The following CNTNAP2 variants were observed in gnomAD, a reference collection of about 807,000 sequenced individuals.
CNTNAP2 encodes the protein contactin associated protein 2.
A neutral mutation model predicts 155.2 loss-of-function variants in CNTNAP2; 98 were observed. The observed-to-expected ratio is 0.63, with a 90% CI of 0.54 to 0.75. CNTNAP2 has a LOEUF of 0.75. Ranked by LOEUF, CNTNAP2 falls within the 30% of genes least tolerant of loss-of-function variation. CNTNAP2 has a pLI of 0.00. For synonymous variants in CNTNAP2, 651 were observed against 631.2 expected (o/e 1.03, Z -0.47); for missense variants, 1,727 against 1,688.1 (o/e 1.02, Z -0.40).
At chr7:147,784,431 G>A (rs6945876) in intron 13 of CNTNAP2, among the ~76,000 whole-genome samples, 2,931 of 84,412 alleles carry the variant, frequency 0.035, 237 homozygotes, top group African/African-American at 0.1. Context: ...ACATATAAAA[G>A]CATAAAAATA....
chr7:147,854,250 T>C (rs986486746), intron 13 of CNTNAP2, among the ~76,000 whole-genome samples: 6 of 152,278 alleles, frequency 3.9e-5, no homozygotes, highest in African/African-American at 1.4e-4. Context: ...TATAAGCTCA[T>C]GTGCAATGAA....
At chr7:146,220,532 G>C (rs1286192205) in intron 1 of CNTNAP2, among the ~76,000 whole-genome samples, 2 of 152,016 alleles carry the variant, frequency 1.3e-5, no homozygotes, top group Non-Finnish European at 2.9e-5. Context: ...AGTATAGAAA[G>C]CACCTGGTAT....
chr7:146,591,049 T>A (rs180820185), intron 1 of CNTNAP2, among the ~76,000 whole-genome samples: 1 of 152,216 alleles, frequency 6.6e-6, no homozygotes, highest in African/African-American at 2.4e-5. Context: ...GAGAAAACAG[T>A]CCACAGGTGT....
At chr7:147,800,552 C>T (rs867598295) in intron 13 of CNTNAP2, among the ~76,000 whole-genome samples, 2 of 151,966 alleles carry the variant, frequency 1.3e-5, no homozygotes, top group African/African-American at 2.4e-5. Flanking sequence ...GATCTCCCTA[C>T]GTTTGTTGCC....
chr7:146,400,772 A>G (rs10487935), intron 1 of CNTNAP2, among the ~76,000 whole-genome samples: 12,572 of 152,286 alleles, frequency 0.083, 576 homozygotes, highest in Middle Eastern at 0.12. Context: ...ACACTGAAAA[A>G]TGAGTTAATG....
chr7:146,789,928 G>A (rs996604859), intron 2 of CNTNAP2, among the ~76,000 whole-genome samples: 5 of 150,880 alleles, frequency 3.3e-5, no homozygotes, highest in African/African-American at 1.2e-4. Context: ...CATTTAGTGT[G>A]AGATGAGAAC....
chr7:147,255,384 A>ACTAATTTCT (rs1246802062), intron 8 of CNTNAP2, among the ~76,000 whole-genome samples: 2 of 151,976 alleles, frequency 1.3e-5, no homozygotes, highest in South Asian at 2.1e-4. Context: ...ACTACGGCTG[A>ACTAATTTCT]CTAATTTCTG....
chr7:146,792,268 T>TAA (rs397978357), intron 2 of CNTNAP2, among the ~76,000 whole-genome samples: 7,063 of 148,654 alleles, frequency 0.048, 543 homozygotes, highest in African/African-American at 0.16. Flanking sequence ...AAGAAAAAGC[T>TAA]AAAAAAAAAA....
intron 3 of CNTNAP2, among the ~76,000 whole-genome samples, chr7:146,925,033 G>A (rs566187659): frequency 6.6e-6 from 1 of 152,150 alleles, no homozygotes; most frequent in African/African-American, 2.4e-5. Flanking sequence ...CTATGGATCA[G>A]CCTCACACAC....
chr7:147,060,850 C>T (rs113293567), intron 4 of CNTNAP2, among the ~76,000 whole-genome samples: 8,113 of 149,164 alleles, frequency 0.054, 116 homozygotes, highest in African/African-American at 0.16. Context: ...GGGGACAGAG[C>T]GAGACTCTGT....
At chr7:146,841,267 A>G (rs750297656) in intron 3 of CNTNAP2, among the ~76,000 whole-genome samples, 1 of 146,536 alleles carries the variant, frequency 6.8e-6, no homozygotes, top group Non-Finnish European at 1.5e-5. Context: ...AGAAGGGGAT[A>G]GAGGAAGTAT....
chr7:146,834,529 AAG>A (rs1160254853), intron 2 of CNTNAP2, among the ~76,000 whole-genome samples: 22 of 152,148 alleles, frequency 1.4e-4, no homozygotes, highest in African/African-American at 5.1e-4. Context: ...TGGGAAAGGG[AAG>A]AGAGAGCACA....
At chr7:146,813,343 G>T (rs1803103588) in intron 2 of CNTNAP2, among the ~76,000 whole-genome samples, 1 of 152,194 alleles carries the variant, frequency 6.6e-6, no homozygotes, top group Admixed American at 6.5e-5. Context: ...GCTCCTGAAG[G>T]TTGTGGGAGC....
At chr7:147,981,966 G>A (rs1036410181) in intron 15 of CNTNAP2, among the ~76,000 whole-genome samples, 4 of 152,000 alleles carry the variant, frequency 2.6e-5, no homozygotes, top group African/African-American at 9.7e-5. Context: ...TAAACTACAC[G>A]TACGCACCTA....
At chr7:146,839,659 C>G in intron 2 of CNTNAP2, 52 bp from the exon 3 acceptor site, 5 of 1,585,764 alleles carry the variant, frequency 3.2e-6, no homozygotes, top group Non-Finnish European at 8.7e-7. Context: ...GTCAGTTGTA[C>G]AAGTTCAAAT....
chr7:147,730,715 A>C (rs1563068391), intron 13 of CNTNAP2, among the ~76,000 whole-genome samples: 1 of 152,076 alleles, frequency 6.6e-6, no homozygotes, highest in Non-Finnish European at 1.5e-5. Context: ...TGTCACTTTA[A>C]ATCAAAAGCT....
chr7:147,055,548 C>A (rs1161035092), intron 4 of CNTNAP2, among the ~76,000 whole-genome samples: 1 of 152,176 alleles, frequency 6.6e-6, no homozygotes. Context: ...TGACACCTGA[C>A]GTAAAGCAAC....
intron 15 of CNTNAP2, among the ~76,000 whole-genome samples, chr7:148,093,332 A>G (rs1374698590): frequency 6.6e-6 from 1 of 152,220 alleles, no homozygotes; most frequent in Non-Finnish European, 1.5e-5. Flanking sequence ...GCAGTAAAGA[A>G]ATGTGTTTAA....
At chr7:146,591,385 G>T (rs190786382) in intron 1 of CNTNAP2, among the ~76,000 whole-genome samples, 612 of 33,788 alleles carry the variant, frequency 0.018, 4 homozygotes, top group Non-Finnish European at 0.027. Flanking sequence ...ACATTTAAAG[G>T]GTCAAAATGG....
Sources: gnomAD v4.1 joint callset for allele counts (sites outside exome capture counted in the v4.1 genomes callset) on GRCh38, gnomAD v4.1.1 for gene constraint, MANE v1.5 for transcripts, NCBI Gene and HGNC (gene_info 2026-07-23, HGNC 2026-07-21) for gene names.